PCDHGA4: variants seen among roughly 807,000 people sequenced by gnomAD.
PCDHGA4 encodes protocadherin gamma subfamily A, 4.
A neutral mutation model predicts 54.6 loss-of-function variants in PCDHGA4; 38 were observed. The observed-to-expected ratio is 0.70, with a 90% confidence interval of 0.54 to 0.91. The LOEUF is 0.91. Ranked by LOEUF, PCDHGA4 falls within the 40% of genes least tolerant of loss-of-function variation. PCDHGA4 has a pLI of 0.00. For missense variants in PCDHGA4, 1,298 were observed against 1,220.9 expected, an observed-to-expected ratio of 1.06 and a Z score of -0.94; for synonymous variants, 511 against 512.9, an observed-to-expected ratio of 1.00 and a Z score of 0.05.
intron 1 of PCDHGA4, chr5:141,399,680 A>T: frequency 6.2e-7 from 1 of 1,613,514 alleles, no homozygotes; most frequent in Non-Finnish European, 8.5e-7. Context: ...GCCTTTGACT[A>T]CGAGCAGCTG....
At chr5:141,388,742 G>C (rs1340234849) in intron 1 of PCDHGA4, 1 of 1,613,886 alleles carries the variant, frequency 6.2e-7, no homozygotes, top group Non-Finnish European at 8.5e-7. Context: ...AAGCTAGCCA[G>C]ATCACCCAAT....
At chr5:141,498,991 AG>A (rs1449718352) in intron 2 of PCDHGA4, among the ~76,000 whole-genome samples, 8 of 144,362 alleles carry the variant, frequency 5.5e-5, no homozygotes, top group Non-Finnish European at 1.0e-4. Context: ...GAAGGAAGGA[AG>A]GAAGGAAGGA....
chr5:141,428,181 A>G, intron 1 of PCDHGA4: 2 of 1,486,230 alleles, frequency 1.3e-6, no homozygotes, highest in Non-Finnish European at 1.8e-6. Flanking sequence ...GACGGAGGAC[A>G]GCCGCCGCTC....
chr5:141,461,389 G>T (rs2099014363), intron 1 of PCDHGA4, among the ~76,000 whole-genome samples: 1 of 152,110 alleles, frequency 6.6e-6, no homozygotes. Context: ...CTGATGATTA[G>T]CGATGTTGAG....
At chr5:141,501,366 T>G (rs1297210978) in intron 2 of PCDHGA4, among the ~76,000 whole-genome samples, 1 of 150,672 alleles carries the variant, frequency 6.6e-6, no homozygotes, top group Non-Finnish European at 1.5e-5. Flanking sequence ...ACCATATTCA[T>G]CATCTCTTAA....
rs182104750 is a variant in PCDHGA4 at position 141,376,315 on chromosome 5, A to C, written c.2514+18694A>C. 8.5e-4 allele frequency: 1,369 copies of C among 1,614,156 alleles called. 7 individuals are homozygous for C. The Middle Eastern group carries it at 0.016, about 18-fold the overall frequency. On this transcript the variant is annotated intron_variant, in intron 1 of 3. Coordinates refer to ENST00000571252, the MANE Select transcript of PCDHGA4 (RefSeq NM_018917.4). ...CCGGCTCGCACTTTGTGGGCGTGGA[A>C]GGGGTTCGGGCTTTCCTGCAGACCT...
chr5:141,383,564 G>T (rs767546411), intron 1 of PCDHGA4: 1 of 1,613,046 alleles, frequency 6.2e-7, no homozygotes, highest in South Asian at 1.1e-5. Flanking sequence ...GACCCGCCCC[G>T]ATCCAGCACC....
intron 1 of PCDHGA4, chr5:141,371,928 G>A (rs1305933236): frequency 4.3e-6 from 7 of 1,613,232 alleles, no homozygotes; most frequent in Non-Finnish European, 5.1e-6. Flanking sequence ...CGCGCGGAGC[G>A]GGGTGGTGTT....
intron 1 of PCDHGA4, chr5:141,370,169 G>T (rs953635284): frequency 3.5e-5 from 16 of 454,700 alleles, no homozygotes; most frequent in African/African-American, 2.2e-4. Flanking sequence ...CAGCAGAGGC[G>T]CCGGGTGCCG....
At chr5:141,360,217 G>C (rs749014540) in intron 1 of PCDHGA4, 1 of 1,613,398 alleles carries the variant, frequency 6.2e-7, no homozygotes, top group Non-Finnish European at 8.5e-7. Flanking sequence ...GTTCCCCGGG[G>C]CTCTCCCAGT....
intron 1 of PCDHGA4, chr5:141,478,553 T>G (rs1593930915): frequency 6.2e-7 from 1 of 1,602,704 alleles, no homozygotes; most frequent in Non-Finnish European, 8.5e-7. Context: ...ACAGGTAAGG[T>G]TTAGCAAGTC....
chr5:141,412,634 A>G (rs1322492563), intron 1 of PCDHGA4: 1 of 152,256 alleles, frequency 6.6e-6, no homozygotes, highest in African/African-American at 2.4e-5. Flanking sequence ...TTAAATTATA[A>G]GACTTTTCTG....
chr5:141,485,067 C>G lies in PCDHGA4; in HGVS notation c.2515-9740C>G, dbSNP rs944494894. On this transcript the variant is annotated intron_variant, in intron 1 of 3. Transcript: ENST00000571252. This position sits in a 1 kb window ranked among gnomAD's most constrained non-coding sequence, Gnocchi z 5.7. Reference sequence around the variant, plus strand: ...CGGCGCCGGCCGAACCGCGCCAGAGCTGGCGCGGGGAAAGGGAGATAGGTG... The same window carrying G: ...CGGCGCCGGCCGAACCGCGCCAGAGGTGGCGCGGGGAAAGGGAGATAGGTG... 21 of 894,418 alleles carry G rather than the reference C, an allele frequency of 2.3e-5. No individual in the cohort carries two copies. The highest frequency in any genetic ancestry group is 1.8e-4 in the Admixed American group (8 of 43,320). 55.4% of individuals were successfully genotyped at this position (894,418 alleles called of 1,614,324 possible). A position where few individuals can be genotyped will look rare whatever the true frequency, so the allele number is the denominator to read the frequency against.
At chr5:141,371,661 A>G (rs1767926487) in intron 1 of PCDHGA4, 2 of 1,614,044 alleles carry the variant, frequency 1.2e-6, no homozygotes, top group Admixed American at 1.7e-5. Context: ...TGTGACGATC[A>G]CAGCTACCGA....
In PCDHGA4 at chr5:141,487,456, G is replaced by A. The variant is rs1041154635; in HGVS notation, c.2515-7351G>A. Reference sequence around the variant, plus strand: ...AGCTAGGGTCAGATGACCCTATCAAGTTTGTTGATGTGGGAGGCCACTCTC... The same window carrying A: ...AGCTAGGGTCAGATGACCCTATCAAATTTGTTGATGTGGGAGGCCACTCTC... On this transcript the variant is annotated intron_variant, in intron 1 of 3. Coordinates refer to ENST00000571252, the MANE Select transcript of PCDHGA4 (RefSeq NM_018917.4). The surrounding 1 kb of genome is among the most constrained non-coding windows in gnomAD (Gnocchi z 5.0). 6.2e-7 allele frequency: 1 copy of A among 1,614,196 alleles called. No individual in the cohort carries two copies. The highest frequency in any genetic ancestry group is 8.5e-7 in the Non-Finnish European group (1 of 1,180,026).
In PCDHGA4 at chr5:141,491,770, G is replaced by A; in HGVS notation, c.2515-3037G>A. 6.4e-7 allele frequency: 1 copy of A among 1,560,888 alleles called. No individual in the cohort carries two copies. Among genetic ancestry groups the A allele is most frequent in the Non-Finnish European group, 8.7e-7 (1 of 1,154,942 alleles). On this transcript the variant is annotated intron_variant, in intron 1 of 3. Coordinates refer to ENST00000571252, the MANE Select transcript of PCDHGA4 (RefSeq NM_018917.4). This position sits in a 1 kb window ranked among gnomAD's most constrained non-coding sequence, Gnocchi z 6.9. ...TGGAGAAGCCGCCCGTCCTCATAAG[G>A]GATTGAACTTGCATCCACTCCTCTC...
At chr5:141,366,064 G>A (rs761173450) in intron 1 of PCDHGA4, 4 of 1,614,106 alleles carry the variant, frequency 2.5e-6, no homozygotes, top group African/African-American at 1.3e-5. Flanking sequence ...TGGAGCTGGC[G>A]CCTCGCTCCG....
At position 141,485,683 on chromosome 5, in the gene PCDHGA4, T is replaced by C. The variant is rs2099617681; in HGVS notation, c.2515-9124T>C. ...TGGGGAGCAATTCGATTAGCAGCTA[T>C]AGGCTGAGCTCCAATGAACACTTTG... On this transcript the variant is annotated intron_variant, in intron 1 of 3. Coordinates refer to ENST00000571252, the MANE Select transcript of PCDHGA4 (RefSeq NM_018917.4). This position sits in a 1 kb window ranked among gnomAD's most constrained non-coding sequence, Gnocchi z 5.7. 3.7e-6 allele frequency: 6 copies of C among 1,614,042 alleles called. No individual in the cohort carries two copies. The South Asian group carries it at 4.4e-5, about 12-fold the overall frequency.
rs1266310917 is a variant in PCDHGA4 at position 141,486,868 on chromosome 5, G to A, written c.2515-7939G>A. 2 of 1,614,104 alleles carry A rather than the reference G, an allele frequency of 1.2e-6. No homozygotes were observed. Among genetic ancestry groups the A allele is most frequent in the Non-Finnish European group, 1.7e-6 (2 of 1,180,056 alleles). ...ACCTCAATGACAATGCTCCAGCTGT[G>A]CTCCGTCCTCGGGCCCGGCCTGGTT... On this transcript the variant is annotated intron_variant, in intron 1 of 3. Transcript: ENST00000571252. The surrounding 1 kb of genome is among the most constrained non-coding windows in gnomAD (Gnocchi z 5.0).
Sources: gnomAD v4.1 joint callset for allele counts (sites outside exome capture counted in the v4.1 genomes callset) on GRCh38, gnomAD v4.1.1 for gene constraint, Gnocchi (gnomAD v3.1) non-coding constraint, MANE v1.5 for transcripts, NCBI Gene and HGNC (gene_info 2026-07-23, HGNC 2026-07-21) for gene names.